The following CACNG7 variants were observed in gnomAD, a reference collection of about 807,000 sequenced individuals.
The protein encoded by CACNG7 is calcium voltage-gated channel auxiliary subunit gamma 7.
A neutral mutation model predicts 26.3 loss-of-function variants in CACNG7; 9 were observed. That is an observed-to-expected ratio of 0.34 (90% CI 0.21 to 0.60). CACNG7 has a LOEUF of 0.60. Ranked by LOEUF, CACNG7 falls within the 20% of genes least tolerant of loss-of-function variation. CACNG7 has a pLI of 0.81. For missense variants in CACNG7, 297 were observed against 380.4 expected, an observed-to-expected ratio of 0.78 and a Z score of 1.82; for synonymous variants, 170 against 157.0, an observed-to-expected ratio of 1.08 and a Z score of -0.62.
intron 4 of CACNG7, among the ~76,000 whole-genome samples, chr19:53,922,873 G>A (rs2068974443): frequency 1.4e-5 from 1 of 72,684 alleles, no homozygotes; most frequent in Non-Finnish European, 2.4e-5. Context: ...CATTGGTGGA[G>A]TTGACTCAGG....
rs1568776931 is a variant in CACNG7 at position 53,924,035 on chromosome 19, GCCCCAGGCCTGGTCATTGGTGGAGTTGT to G, written c.424+8538_424+8565del. ...CCCAGGCCTGGTCATTGGTGGAGTT[GCCCCAGGCCTGGTCATTGGTGGAGTTGT>G]CCCCAGGTCTGGTCATTGGTGGAGT... On this transcript the variant is annotated intron_variant, in intron 4 of 5. Transcript: ENST00000391767. Among the ~76,000 whole-genome samples the G allele has an allele frequency of 8.9e-5, 12 of 134,782 alleles. 1 individual carries two copies. The South Asian group carries it at 2.7e-3, about 30-fold the overall frequency. The allele number at this position is 134,782 out of a possible 152,430, so 88.4% of individuals were successfully genotyped here.
rs1225872748 is a variant in CACNG7, at chr19:53,909,989, G to T, written c.-30+472G>T. On this transcript the variant is annotated intron_variant, in intron 1 of 5. Coordinates refer to ENST00000391767, the MANE Select transcript of CACNG7 (RefSeq NM_031896.5). The surrounding 1 kb of genome is among the most constrained non-coding windows in gnomAD (Gnocchi z 5.1). ...TCCGGGAAAGGGTGGGAGAAAGAGG[G>T]AGAAGAGGAGGCTTCAGGCCTGGGG... is the stretch of plus-strand genomic sequence containing the variant. Among the ~76,000 whole-genome samples the T allele has an allele frequency of 6.6e-6, 1 of 152,162 alleles. No homozygotes were observed. Among genetic ancestry groups the T allele is most frequent in the African/African-American group, 2.4e-5 (1 of 41,444 alleles).
At chr19:53,918,576 A>G (rs1472894873) in intron 4 of CACNG7, among the ~76,000 whole-genome samples, 1 of 152,176 alleles carries the variant, frequency 6.6e-6, no homozygotes, top group Non-Finnish European at 1.5e-5. Context: ...CCCCTCATTT[A>G]GATCATGAAT....
intron 4 of CACNG7, among the ~76,000 whole-genome samples, chr19:53,928,082 G>C (rs1568780113): frequency 6.6e-6 from 1 of 150,826 alleles, no homozygotes; most frequent in Non-Finnish European, 1.5e-5. Context: ...GGGAGAAAAA[G>C]AGAAAGGGAA....
At chr19:53,921,716 T>TCCCAGGCTGGTCATTGGTGGAGTTGC (rs2068955953) in intron 4 of CACNG7, among the ~76,000 whole-genome samples, 6 of 67,850 alleles carry the variant, frequency 8.8e-5, no homozygotes. Context: ...GGTGGAGCTG[T>TCCCAGGCTGGTCATTGGTGGAGTTGC]CCCAGGCTGG....
chr19:53,923,763 G>GT (rs1424783620), intron 4 of CACNG7, among the ~76,000 whole-genome samples: 9 of 125,852 alleles, frequency 7.2e-5, no homozygotes, highest in East Asian at 2.5e-4. Context: ...TGGTGGAGTT[G>GT]CCCCAGGTCT....
intron 4 of CACNG7, among the ~76,000 whole-genome samples, chr19:53,918,577 G>C (rs888311820): frequency 6.6e-6 from 1 of 152,050 alleles, no homozygotes; most frequent in African/African-American, 2.4e-5. Flanking sequence ...CCCTCATTTA[G>C]ATCATGAATG....
At chr19:53,914,367 C>T (rs2068881251) in intron 2 of CACNG7, 133 bp from the exon 3 acceptor site, 3 of 661,020 alleles carry the variant, frequency 4.5e-6, no homozygotes, top group Non-Finnish European at 5.5e-6. Flanking sequence ...TGGAGTAGTA[C>T]AGCTCGTAAC....
At chr19:53,911,785 T>C (rs1251441144) in intron 1 of CACNG7, among the ~76,000 whole-genome samples, 5 of 152,160 alleles carry the variant, frequency 3.3e-5, no homozygotes, top group Non-Finnish European at 5.9e-5. Flanking sequence ...TCATGTGTGA[T>C]GTCATCTTAA....
chr19:53,926,031 A>G (rs1234207465), intron 4 of CACNG7, among the ~76,000 whole-genome samples: 1 of 152,178 alleles, frequency 6.6e-6, no homozygotes, highest in East Asian at 1.9e-4. Flanking sequence ...ATGCTTATTC[A>G]TTCAATCTTC....
chr19:53,915,008 A>G (rs2145898098), intron 3 of CACNG7, among the ~76,000 whole-genome samples: 1 of 147,070 alleles, frequency 6.8e-6, no homozygotes, highest in East Asian at 2.0e-4. Context: ...TCTGTCTCAA[A>G]AAAAAAAATA....
chr19:53,920,342 G>C lies in CACNG7; in HGVS notation c.424+4837G>C, dbSNP rs1233929865. Reference sequence around the variant, plus strand: ...GGAGTTGCCCCAGGTCTGGTCATTGGTGGAGTTTCCCCAGGTCTGGTCATT... The same window carrying C: ...GGAGTTGCCCCAGGTCTGGTCATTGCTGGAGTTTCCCCAGGTCTGGTCATT... On this transcript the variant is annotated intron_variant, in intron 4 of 5. Coordinates refer to ENST00000391767, the MANE Select transcript of CACNG7 (RefSeq NM_031896.5). 9.3e-4 allele frequency among the ~76,000 whole-genome samples: 108 copies of C among 116,408 alleles called. 1 individual carries two copies. Among genetic ancestry groups the C allele is most frequent in the Non-Finnish European group, 1.5e-3 (91 of 58,756 alleles). The allele number at this position is 116,408 out of a possible 152,430, so 76.4% of individuals were successfully genotyped here.
At position 53,939,862 on chromosome 19, in the gene CACNG7, A is replaced by G. The variant is rs1003398258; in HGVS notation, c.425-1608A>G. Among the ~76,000 whole-genome samples the G allele has an allele frequency of 6.6e-6, 1 of 152,210 alleles. No individual in the cohort carries two copies. The highest frequency in any genetic ancestry group is 1.5e-5 in the Non-Finnish European group (1 of 68,050). ...TTTGAGGCGCTGCCAAATGAAATTC[A>G]TATACTTTTTATGTGCCACAAAATA... is the stretch of plus-strand genomic sequence containing the variant. On this transcript the variant is annotated intron_variant, in intron 4 of 5. Coordinates refer to ENST00000391767, the MANE Select transcript of CACNG7 (RefSeq NM_031896.5). This position sits in a 1 kb window ranked among gnomAD's most constrained non-coding sequence, Gnocchi z 4.2.
chr19:53,936,352 A>G (rs769423565), intron 4 of CACNG7, among the ~76,000 whole-genome samples: 1 of 152,156 alleles, frequency 6.6e-6, no homozygotes, highest in Non-Finnish European at 1.5e-5. Flanking sequence ...CTTTCACCAT[A>G]AAGGAAGCTT....
chr19:53,915,005 C>CAAA (rs1360776773), intron 3 of CACNG7, among the ~76,000 whole-genome samples: 1,891 of 118,180 alleles, frequency 0.016, 49 homozygotes, highest in African/African-American at 0.056. Context: ...GACTCTGTCT[C>CAAA]AAAAAAAAAA....
At chr19:53,936,704 G>A (rs1238409717) in intron 4 of CACNG7, among the ~76,000 whole-genome samples, 1 of 152,154 alleles carries the variant, frequency 6.6e-6, no homozygotes, top group East Asian at 1.9e-4. Context: ...TGCCTCCTGG[G>A]TTCAAGCAAT....
chr19:53,925,028 A>G lies in CACNG7; in HGVS notation c.424+9523A>G, dbSNP rs565026826. Among the ~76,000 whole-genome samples, 8 of 58,152 alleles carry G rather than the reference A, an allele frequency of 1.4e-4. No individual in the cohort carries two copies. In the East Asian group the frequency reaches 2.6e-3, roughly 19 times the overall value. 38.1% of individuals were successfully genotyped at this position (58,152 alleles called of 152,430 possible). ...AGGTCTGGTATTGGTGGACTTGCCT[A>G]GGGCTGGTCATTGGTGGACTTGCCC... On this transcript the variant is annotated intron_variant, in intron 4 of 5. Transcript: ENST00000391767.
rs542343254 is a variant in CACNG7, at chr19:53,940,776, C to T, written c.425-694C>T. On this transcript the variant is annotated intron_variant, in intron 4 of 5. Transcript: ENST00000391767. This position sits in a 1 kb window ranked among gnomAD's most constrained non-coding sequence, Gnocchi z 4.1. ...TTCTCTGGGCCTCATCCTTTAAGGC[C>T]GGGCGCGGTGGCTCAAACCTGTAAT... 6.6e-5 allele frequency among the ~76,000 whole-genome samples: 10 copies of T among 152,134 alleles called. No homozygotes were observed. The highest frequency in any genetic ancestry group is 3.9e-4 in the East Asian group (2 of 5,182).
At chr19:53,923,743 G>GTCTGGTCATTGGTGCAGTTGCCCCAGA (rs1568776630) in intron 4 of CACNG7, among the ~76,000 whole-genome samples, 9 of 93,608 alleles carry the variant, frequency 9.6e-5, no homozygotes, top group African/African-American at 6.3e-4. Context: ...GTTGCCCCAG[G>GTCTGGTCATTGGTGCAGTTGCCCCAGA]TCTGGTCATT....
Sources: gnomAD v4.1 joint callset for allele counts (sites outside exome capture counted in the v4.1 genomes callset) on GRCh38, gnomAD v4.1.1 for gene constraint, Gnocchi (gnomAD v3.1) non-coding constraint, MANE v1.5 for transcripts, NCBI Gene and HGNC (gene_info 2026-07-23, HGNC 2026-07-21) for gene names.